Variants in NMNAT1 observed in about 807,000 individuals in gnomAD.
The protein encoded by NMNAT1 is nicotinamide nucleotide adenylyltransferase 1.
A neutral mutation model predicts 16.7 loss-of-function variants in NMNAT1; 11 were observed. The observed-to-expected ratio is 0.66, with a 90% confidence interval of 0.41 to 1.09. The LOEUF is 1.09. NMNAT1 is among the 50% of genes least tolerant of loss of function. NMNAT1 has a pLI of 0.00. For missense variants in NMNAT1, 280 were observed against 332.3 expected, an observed-to-expected ratio of 0.84 and a Z score of 1.22; for synonymous variants, 110 against 119.8, an observed-to-expected ratio of 0.92 and a Z score of 0.53.
intron 1 of NMNAT1, among the ~76,000 whole-genome samples, chr1:9,961,985 C>A (rs1641420263): frequency 6.6e-6 from 1 of 151,824 alleles, no homozygotes; most frequent in East Asian, 2.0e-4. Flanking sequence ...TCAGGCTAGT[C>A]TCGAACTCCC....
Position 9,982,515 on chromosome 1 carries a change from T to G in NMNAT1, c.654T>G (p.Ala218=), listed in dbSNP as rs770733635. ...SNIHVVNEWI[A]NDISSTKIRR... is the part of the protein sequence containing the mutation. ...TTCACGTGGTGAATGAATGGATCGC[T>G]AATGACATCTCATCCACAAAAATCC... Residue 218 remains alanine, a synonymous_variant, in exon 5 of 5, where the codon GCT becomes GCG. Transcript: ENST00000377205. 1.3e-5 allele frequency: 21 copies of G among 1,614,048 alleles called. No homozygotes were observed. The highest frequency in any genetic ancestry group is 1.8e-5 in the Non-Finnish European group (21 of 1,180,052).
chr1:9,974,731 C>T (rs1196552247), intron 2 of NMNAT1, among the ~76,000 whole-genome samples: 1 of 151,720 alleles, frequency 6.6e-6, no homozygotes, highest in Admixed American at 6.6e-5. Flanking sequence ...ACTGTTTTGC[C>T]CATGTTGGTG....
chr1:9,995,521 C>T, the NMNAT1 span, among the ~76,000 whole-genome samples: 3 of 151,630 alleles, frequency 2.0e-5, no homozygotes, highest in East Asian at 3.9e-4. Flanking sequence ...GGTGAAACTC[C>T]ACCTCTTCTA....
rs1641968989 is a variant in NMNAT1 at position 9,982,433 on chromosome 1, A to G, written c.572A>G (p.Asn191Ser). The change falls in exon 5 of 5, where the codon AAT becomes AGT. Residue 191 changes from asparagine to serine, a missense_variant. Transcript: ENST00000377205. ...CTCATATGTGTTACTCGGGCTGGAAATGATGCTCAGAAGTTTATCTATGAA... is the reference window on the plus strand; with the variant it reads ...CTCATATGTGTTACTCGGGCTGGAAGTGATGCTCAGAAGTTTATCTATGAA... ...YGLICVTRAGNDAQKFIYESD... is the reference protein window; with the variant it reads ...YGLICVTRAGSDAQKFIYESD... 6.2e-7 allele frequency: 1 copy of G among 1,614,172 alleles called. No individual in the cohort carries two copies. Among genetic ancestry groups the G allele is most frequent in the Non-Finnish European group, 8.5e-7 (1 of 1,180,040 alleles).
At chr1:9,956,420 CTTTT>C (rs758331917) in intron 1 of NMNAT1, among the ~76,000 whole-genome samples, 2 of 117,550 alleles carry the variant, frequency 1.7e-5, no homozygotes, top group Non-Finnish European at 1.7e-5. Flanking sequence ...ATTGGTCTAC[CTTTT>C]TTTTTTTTTT....
intron 1 of NMNAT1, among the ~76,000 whole-genome samples, chr1:9,970,186 C>T (rs1236378047): frequency 6.6e-6 from 1 of 151,964 alleles, no homozygotes; most frequent in Non-Finnish European, 1.5e-5. Context: ...ATCATAAAGT[C>T]AATGGGCACT....
chr1:9,980,179 G>A (rs1020639191), intron 3 of NMNAT1, among the ~76,000 whole-genome samples: 30 of 151,844 alleles, frequency 2.0e-4, no homozygotes, highest in Middle Eastern at 3.4e-3. Context: ...TGATCCACCC[G>A]CCTTGGCCTC....
intron 1 of NMNAT1, among the ~76,000 whole-genome samples, chr1:9,945,573 G>T (rs796698456): frequency 5.3e-5 from 8 of 152,200 alleles, no homozygotes; most frequent in African/African-American, 1.2e-4. Context: ...GGTGGCGTAT[G>T]CCTGTAGTTC....
At chr1:9,945,026 G>T (rs1048217873) in intron 1 of NMNAT1, among the ~76,000 whole-genome samples, 19 of 152,152 alleles carry the variant, frequency 1.2e-4, no homozygotes, top group African/African-American at 4.1e-4. Flanking sequence ...TTAAGGTCAG[G>T]AATTCAAAAC....
chr1:9,985,521 T>C (rs1275402276), downstream of NMNAT1: 2 of 152,230 alleles, frequency 1.3e-5, no homozygotes, highest in African/African-American at 2.4e-5. Flanking sequence ...CTGATGGAGA[T>C]GAGTCCGACG....
chr1:9,988,199 T>C (rs1024068539), downstream of NMNAT1, among the ~76,000 whole-genome samples: 3 of 152,106 alleles, frequency 2.0e-5, no homozygotes, highest in Non-Finnish European at 4.4e-5. Flanking sequence ...GGTTTCTCCA[T>C]GTTGGCCCGG....
At chr1:9,990,033 C>T (rs1244504872), downstream of NMNAT1, among the ~76,000 whole-genome samples, 2 of 152,330 alleles carry the variant, frequency 1.3e-5, no homozygotes, top group East Asian at 1.9e-4. Context: ...GTGGAATGGC[C>T]CCTGCCAGCG....
Position 9,982,437 on chromosome 1 carries a change from T to C in NMNAT1, c.576T>C (p.Asp192=). 1 of 1,614,152 alleles carries C rather than the reference T, an allele frequency of 6.2e-7. No homozygotes were observed. The highest frequency in any genetic ancestry group is 8.5e-7 in the Non-Finnish European group (1 of 1,180,032). Residue 192 remains aspartate (D), a synonymous_variant, in exon 5 of 5, where the codon GAT becomes GAC. Coordinates refer to ENST00000377205, the MANE Select transcript of NMNAT1 (RefSeq NM_022787.4). ...GLICVTRAGN[D]AQKFIYESDV... ...TATGTGTTACTCGGGCTGGAAATGA[T>C]GCTCAGAAGTTTATCTATGAATCGG...
chr1:9,990,150 A>G (rs1407137410), downstream of NMNAT1, among the ~76,000 whole-genome samples: 2 of 152,224 alleles, frequency 1.3e-5, no homozygotes, highest in Non-Finnish European at 2.9e-5. Context: ...TTTCATTGCA[A>G]GTAGCAGGAA....
intron 1 of NMNAT1, among the ~76,000 whole-genome samples, chr1:9,958,412 C>T (rs1315025693): frequency 6.6e-6 from 1 of 150,842 alleles, no homozygotes; most frequent in African/African-American, 2.4e-5. Flanking sequence ...ATTTAGCAGG[C>T]TTTGTTGATA....
At chr1:9,976,272 G>A (rs1020673866) in intron 3 of NMNAT1, among the ~76,000 whole-genome samples, 3 of 147,736 alleles carry the variant, frequency 2.0e-5, no homozygotes, top group Middle Eastern at 3.4e-3. Flanking sequence ...GGGTGACAGA[G>A]CGAGACTCCA....
At chr1:9,968,080 G>GTTT (rs6143117) in intron 1 of NMNAT1, among the ~76,000 whole-genome samples, 2 of 117,804 alleles carry the variant, frequency 1.7e-5, no homozygotes, top group African/African-American at 2.9e-5. Flanking sequence ...TTTTTTTTTT[G>GTTT]TTTTTTTTTG....
chr1:9,972,112 T>C lies in NMNAT1; in HGVS notation c.39T>C (p.Ala13=), dbSNP rs201044653. 1.9e-6 allele frequency: 3 copies of C among 1,612,748 alleles called. No homozygotes were observed. The South Asian group carries it at 3.3e-5, about 18-fold the overall frequency. Residue 13 remains alanine, a synonymous_variant, in exon 2 of 5, where the codon GCT becomes GCC. Coordinates refer to ENST00000377205, the MANE Select transcript of NMNAT1 (RefSeq NM_022787.4). ...AGAAGACTGAAGTGGTTCTCCTTGCTTGTGGTTCATTCAATCCCATCACCA... is the reference window on the plus strand; with the variant it reads ...AGAAGACTGAAGTGGTTCTCCTTGCCTGTGGTTCATTCAATCCCATCACCA... ...NSEKTEVVLL[A]CGSFNPITNM... is the part of the protein sequence containing the mutation.
downstream of NMNAT1, among the ~76,000 whole-genome samples, chr1:9,985,722 GCA>G (rs1196501918): frequency 1.2e-4 from 19 of 152,166 alleles, no homozygotes; most frequent in African/African-American, 3.1e-4. Context: ...GAGTGCAGTG[GCA>G]CAGTCTCGGC....
Sources: gnomAD v4.1 joint callset for allele counts (sites outside exome capture counted in the v4.1 genomes callset) on GRCh38, gnomAD v4.1.1 for gene constraint, MANE v1.5 for transcripts, NCBI Gene and HGNC (gene_info 2026-07-23, HGNC 2026-07-21) for gene names.